The following PLXNA4 variants were observed in gnomAD, a reference collection of about 807,000 sequenced individuals.
The protein encoded by PLXNA4 is plexin A4, also known as plexin-A4.
In PLXNA4, 44 loss-of-function variants were observed where a neutral mutation model predicts 191.8. That is an observed-to-expected ratio of 0.23 (90% CI 0.18 to 0.29). PLXNA4 has a LOEUF of 0.29. Ranked by LOEUF, PLXNA4 falls within the 10% of genes least tolerant of loss-of-function variation. PLXNA4 has a pLI of 1.00. For missense variants in PLXNA4, 1,800 were observed against 2,488.8 expected, an observed-to-expected ratio of 0.72 and a Z score of 5.89; for synonymous variants, 1,082 against 1,009.5, an observed-to-expected ratio of 1.07 and a Z score of -1.36.
Position 132,126,191 on chromosome 7 carries a change from T to C in PLXNA4, c.*4288A>G, listed in dbSNP as rs902054659. 6.6e-6 allele frequency: 1 copy of C among 151,912 alleles called. No individual in the cohort carries two copies. The highest frequency in any genetic ancestry group is 1.5e-5 in the Non-Finnish European group (1 of 68,146). 9.4% of individuals were successfully genotyped at this position (151,912 alleles called of 1,614,324 possible). A position where few individuals can be genotyped will look rare whatever the true frequency, so the allele number is the denominator to read the frequency against. ...GCATCGTTCACGGCTCTGGAAACAG[T>C]GGTAAGGATTCTTCTTGCAGTGGAG... On this transcript the variant is annotated 3_prime_UTR_variant, in exon 32 of 32. Transcript: ENST00000321063.
Position 132,164,135 on chromosome 7 carries a change from G to T in PLXNA4, c.4500+7C>A. 6.2e-7 allele frequency: 1 copy of T among 1,613,636 alleles called. No individual in the cohort carries two copies. The highest frequency in any genetic ancestry group is 8.5e-7 in the Non-Finnish European group (1 of 1,180,026). ...AAGCCCCAGGGGAAACAGATGGGTG[G>T]GCTCACCAGGGTTTTGTAGTCAATC... is the stretch of plus-strand genomic sequence containing the variant. On this transcript the variant is annotated splice_region_variant and intron_variant, in intron 24 of 31. Coordinates refer to ENST00000321063, the MANE Select transcript of PLXNA4 (RefSeq NM_020911.2).
rs551396759 is a variant in PLXNA4, at chr7:132,527,781, C to A, written c.-86-19002G>T. Among the ~76,000 whole-genome samples the A allele has an allele frequency of 2.0e-5, 3 of 152,216 alleles. No homozygotes were observed. In the East Asian group the frequency reaches 5.8e-4, roughly 29 times the overall value. ...CACCTGCCAGCATACTGCCCACATGCCAGACTCAACCTCCACGCACGTGCC... is the reference window on the plus strand; with the variant it reads ...CACCTGCCAGCATACTGCCCACATGACAGACTCAACCTCCACGCACGTGCC... On this transcript the variant is annotated intron_variant, in intron 1 of 31. Transcript: ENST00000321063.
chr7:132,259,482 G>GAAAAAAAAAAAAAAAA (rs1414792493), intron 4 of PLXNA4, among the ~76,000 whole-genome samples: 4 of 111,340 alleles, frequency 3.6e-5, no homozygotes, highest in South Asian at 3.1e-4. Context: ...AAGAAAAAAG[G>GAAAAAAAAAAAAAAAA]AAAAAAGAAA....
chr7:132,515,300 G>C (rs1026675877), intron 1 of PLXNA4, among the ~76,000 whole-genome samples: 2 of 152,186 alleles, frequency 1.3e-5, no homozygotes, highest in Non-Finnish European at 2.9e-5. Flanking sequence ...CTGGGTCCCA[G>C]GCCTGGCGAC....
intron 4 of PLXNA4, among the ~76,000 whole-genome samples, chr7:132,285,539 T>C (rs1055031998): frequency 6.6e-5 from 10 of 152,234 alleles, no homozygotes; most frequent in African/African-American, 2.4e-4. Context: ...TTGTAATATC[T>C]GAAATGCACT....
chr7:132,215,838 T>C (rs571856896), intron 9 of PLXNA4, among the ~76,000 whole-genome samples: 13 of 152,206 alleles, frequency 8.5e-5, no homozygotes, highest in Admixed American at 3.3e-4. Context: ...CCCCTTCCCA[T>C]ACCTTGCTGT....
chr7:132,408,105 A>G (rs891588370), intron 3 of PLXNA4, among the ~76,000 whole-genome samples: 1 of 152,110 alleles, frequency 6.6e-6, no homozygotes, highest in Non-Finnish European at 1.5e-5. Context: ...AAAAATGAGA[A>G]CTAACTTAAA....
At chr7:132,468,327 T>C (rs1007944972) in intron 3 of PLXNA4, among the ~76,000 whole-genome samples, 1 of 152,076 alleles carries the variant, frequency 6.6e-6, no homozygotes, top group Non-Finnish European at 1.5e-5. Flanking sequence ...GATTTAGAAA[T>C]TGTCCCCAGT....
At chr7:132,216,438 G>C (rs1265347591) in intron 9 of PLXNA4, among the ~76,000 whole-genome samples, 1 of 152,136 alleles carries the variant, frequency 6.6e-6, no homozygotes, top group Non-Finnish European at 1.5e-5. Context: ...GGCCTCCAAG[G>C]GGCGGCTCTT....
chr7:132,291,927 T>G (rs956142708), intron 4 of PLXNA4, among the ~76,000 whole-genome samples: 2 of 152,190 alleles, frequency 1.3e-5, no homozygotes, highest in Admixed American at 1.3e-4. Context: ...CCCGAGTGGT[T>G]GGGATTACAG....
intron 3 of PLXNA4, among the ~76,000 whole-genome samples, chr7:132,308,497 G>C (rs768863958): frequency 3.3e-5 from 5 of 152,102 alleles, no homozygotes; most frequent in Non-Finnish European, 7.3e-5. Context: ...ACACGCATCA[G>C]CTCCTTCTGA....
rs753577298 is a variant in PLXNA4 at position 132,203,455 on chromosome 7, G to T, written c.2299-36C>A. On this transcript the variant is annotated intron_variant, in intron 10 of 31. Coordinates refer to ENST00000321063, the MANE Select transcript of PLXNA4 (RefSeq NM_020911.2). ...GTCGGGGAGGAGGAAAGAAGAAAGT[G>T]GGGTCACAGAGAGTTCTAGAGAGGG... is the stretch of plus-strand genomic sequence containing the variant. 2.0e-5 allele frequency: 31 copies of T among 1,588,358 alleles called. No homozygotes were observed. The South Asian group carries it at 3.0e-4, about 15-fold the overall frequency.
chr7:132,579,264 C>T (rs1316850498), upstream of PLXNA4, among the ~76,000 whole-genome samples: 1 of 152,080 alleles, frequency 6.6e-6, no homozygotes. Context: ...GGGGGAGACT[C>T]CTTTCAAACT....
intron 3 of PLXNA4, among the ~76,000 whole-genome samples, chr7:132,481,059 A>T (rs1306405144): frequency 2.6e-5 from 4 of 152,122 alleles, no homozygotes; most frequent in Non-Finnish European, 5.9e-5. Context: ...AGACAAGTCC[A>T]GTTTTGTTTT....
chr7:132,231,436 A>AT (rs952747411), intron 5 of PLXNA4, among the ~76,000 whole-genome samples: 3 of 151,856 alleles, frequency 2.0e-5, no homozygotes, highest in African/African-American at 7.3e-5. Context: ...TTTTATTTTT[A>AT]TTTTTTGAGA....
intron 3 of PLXNA4, among the ~76,000 whole-genome samples, chr7:132,418,220 C>A (rs573199977): frequency 1.3e-5 from 2 of 152,120 alleles, no homozygotes; most frequent in Non-Finnish European, 2.9e-5. Flanking sequence ...TCTAAAGTGA[C>A]CTGAACTCAG....
At chr7:132,281,182 T>C (rs779094008) in intron 4 of PLXNA4, among the ~76,000 whole-genome samples, 5 of 152,208 alleles carry the variant, frequency 3.3e-5, no homozygotes, top group Non-Finnish European at 7.3e-5. Context: ...GGCTCTAAGG[T>C]CTAAGGTTCA....
chr7:132,545,087 A>G (rs146820281), intron 1 of PLXNA4, among the ~76,000 whole-genome samples: 9 of 152,176 alleles, frequency 5.9e-5, no homozygotes, highest in African/African-American at 2.2e-4. Context: ...TTTTCTCCCT[A>G]TTCTGTACCA....
intron 21 of PLXNA4, among the ~76,000 whole-genome samples, chr7:132,170,435 T>C (rs1242325281): frequency 6.6e-6 from 1 of 152,224 alleles, no homozygotes; most frequent in Non-Finnish European, 1.5e-5. Context: ...TATGAAAAGC[T>C]GATGCACATC....
Sources: gnomAD v4.1 joint callset for allele counts (sites outside exome capture counted in the v4.1 genomes callset) on GRCh38, gnomAD v4.1.1 for gene constraint, MANE v1.5 for transcripts, NCBI Gene and HGNC (gene_info 2026-07-23, HGNC 2026-07-21) for gene names.